Variants in ZNF676 observed in about 807,000 individuals in gnomAD.
ZNF676 encodes zinc finger protein 676.
In ZNF676, 4 loss-of-function variants were observed where a neutral mutation model predicts 6.0. The observed-to-expected ratio is 0.67, with a 90% CI of 0.33 to 1.53. The LOEUF (loss-of-function observed/expected upper bound fraction) is 1.53, where lower values mean the gene tolerates loss of function less well. Ranked by LOEUF, ZNF676 falls within the 40% of genes most tolerant of loss-of-function variation. The pLI is 0.06. For synonymous variants in ZNF676, 198 were observed against 223.1 expected (o/e 0.89, Z 1.00); for missense variants, 644 against 679.7 (o/e 0.95, Z 0.58).
the ZNF676 span, among the ~76,000 whole-genome samples, chr19:22,234,265 T>C: frequency 2.0e-5 from 3 of 152,192 alleles, no homozygotes; most frequent in Non-Finnish European, 4.4e-5. Context: ...CTTTTCTTCC[T>C]CTGTCAAATG....
chr19:22,216,459 A>G (rs1406332453), upstream of ZNF676, among the ~76,000 whole-genome samples: 1 of 151,780 alleles, frequency 6.6e-6, no homozygotes, highest in African/African-American at 2.4e-5. Flanking sequence ...ACAAGAGTGA[A>G]ACGCCATCTC....
At chr19:22,258,480 A>G in the ZNF676 span, among the ~76,000 whole-genome samples, 1 of 152,342 alleles carries the variant, frequency 6.6e-6, no homozygotes, top group African/African-American at 2.4e-5. Flanking sequence ...GAATCACATT[A>G]TCTAGGTGCT....
chr19:22,211,893 C>G (rs114905615), intron 1 of ZNF676, among the ~76,000 whole-genome samples: 2,816 of 152,142 alleles, frequency 0.019, 83 homozygotes, highest in African/African-American at 0.064. Context: ...TTTGAAATCA[C>G]TCAGCTATAA....
chr19:22,209,661 GA>G (rs1483702005), intron 1 of ZNF676, among the ~76,000 whole-genome samples: 1 of 152,016 alleles, frequency 6.6e-6, no homozygotes, highest in Non-Finnish European at 1.5e-5. Context: ...AAAGTTAAAA[GA>G]AAAAAATCCC....
chr19:22,254,381 C>A, the ZNF676 span, among the ~76,000 whole-genome samples: 7 of 152,120 alleles, frequency 4.6e-5, no homozygotes, highest in Non-Finnish European at 7.3e-5. Flanking sequence ...AGTCACATCT[C>A]TTAGGTGATG....
chr19:22,181,538 T>C lies in ZNF676; in HGVS notation c.179A>G (p.Glu60Gly), dbSNP rs747606026. The change falls in exon 3 of 3, where the codon GAA becomes GGA. Residue 60 changes from glutamate (E) to glycine (G), a missense_variant. Physicochemically the swap from Glu to Gly is moderately conservative, Grantham distance 98 (BLOSUM62 -2). Coordinates refer to ENST00000397121, the MANE Select transcript of ZNF676 (RefSeq NM_001001411.3). ...SQEFWPEQGI[E>G]DSFQKMILRR... The stretch of plus-strand genomic sequence containing the variant: ...CAATATCATTTTTTGGAAAGAATCT[T>C]CTATGCCTTGCTCTGGCCAAAACTC... 6.2e-7 allele frequency: 1 copy of C among 1,608,634 alleles called. No individual in the cohort carries two copies. The highest frequency in any genetic ancestry group is 8.5e-7 in the Non-Finnish European group (1 of 1,177,736).
intron 1 of ZNF676, among the ~76,000 whole-genome samples, chr19:22,195,222 C>T (rs2023954407): frequency 6.6e-6 from 1 of 152,250 alleles, no homozygotes; most frequent in Non-Finnish European, 1.5e-5. Context: ...CAACTCATAG[C>T]CTCTAACAGA....
At chr19:22,242,843 TGG>T in the ZNF676 span, among the ~76,000 whole-genome samples, 3 of 135,256 alleles carry the variant, frequency 2.2e-5, no homozygotes, top group African/African-American at 1.1e-4. Context: ...TTACCCAAGT[TGG>T]GGGGGGGCTC....
the ZNF676 span, among the ~76,000 whole-genome samples, chr19:22,221,621 C>T: frequency 8.6e-5 from 13 of 152,016 alleles, no homozygotes; most frequent in East Asian, 7.8e-4. Context: ...CATGGTGGCA[C>T]GTGGCTGTAA....
At chr19:22,189,884 A>G (rs1189887938) in intron 2 of ZNF676, among the ~76,000 whole-genome samples, 2 of 152,074 alleles carry the variant, frequency 1.3e-5, no homozygotes, top group Non-Finnish European at 2.9e-5. Flanking sequence ...AGATGCTGCA[A>G]AGATGTGGAG....
chr19:22,201,233 T>C (rs765156372), upstream of ZNF676, among the ~76,000 whole-genome samples: 6 of 152,168 alleles, frequency 3.9e-5, no homozygotes, highest in Admixed American at 6.5e-5. Context: ...CTTAAGATGA[T>C]TGTTTACACT....
At chr19:22,207,996 A>AC (rs1315515404) in intron 1 of ZNF676, among the ~76,000 whole-genome samples, 9 of 151,334 alleles carry the variant, frequency 5.9e-5, no homozygotes, top group Non-Finnish European at 1.3e-4. Flanking sequence ...AAAAAAAAAA[A>AC]ACAAAAAACC....
At chr19:22,251,170 T>C in the ZNF676 span, among the ~76,000 whole-genome samples, 1 of 152,236 alleles carries the variant, frequency 6.6e-6, no homozygotes, top group Non-Finnish European at 1.5e-5. Flanking sequence ...GGAACATAGT[T>C]ATATCAAAGC....
the ZNF676 span, among the ~76,000 whole-genome samples, chr19:22,253,372 G>GTA: frequency 1.1e-3 from 96 of 90,844 alleles, no homozygotes; most frequent in African/African-American, 3.2e-3. Context: ...GTGTGTGTGT[G>GTA]TATATATATA....
chr19:22,252,871 A>T, the ZNF676 span, among the ~76,000 whole-genome samples: 1 of 152,232 alleles, frequency 6.6e-6, no homozygotes, highest in Non-Finnish European at 1.5e-5. Flanking sequence ...GCAGGAGCAT[A>T]AAATTGCTCA....
chr19:22,200,542 T>C (rs1345090041), upstream of ZNF676, among the ~76,000 whole-genome samples: 4 of 135,984 alleles, frequency 2.9e-5, no homozygotes, highest in African/African-American at 5.9e-5. Flanking sequence ...TTTTTGAGAC[T>C]GAGTCTCACT....
At chr19:22,195,644 G>T (rs1358904283) in intron 1 of ZNF676, among the ~76,000 whole-genome samples, 1 of 152,168 alleles carries the variant, frequency 6.6e-6, no homozygotes, top group East Asian at 1.9e-4. Context: ...TAAACAAGTG[G>T]CAATGTTGAA....
intron 1 of ZNF676, among the ~76,000 whole-genome samples, chr19:22,208,696 G>C (rs2024099753): frequency 6.6e-6 from 1 of 152,166 alleles, no homozygotes; most frequent in Non-Finnish European, 1.5e-5. Context: ...CTGTAATCCA[G>C]CACTTTGGGG....
intron 1 of ZNF676, among the ~76,000 whole-genome samples, chr19:22,212,014 A>G (rs567495965): frequency 2.1e-4 from 28 of 131,784 alleles, no homozygotes; most frequent in Admixed American, 1.8e-3. Context: ...CCTGGCTAAC[A>G]TGGTGAAACA....
Sources: allele counts gnomAD v4.1 joint callset (sites outside exome capture counted in the v4.1 genomes callset), GRCh38; gene constraint gnomAD v4.1.1; transcripts MANE v1.5; gene names NCBI Gene and HGNC (gene_info 2026-07-23, HGNC 2026-07-21).